Variants in MLH3 observed in about 807,000 individuals in gnomAD.
MLH3 encodes the protein mutL homolog 3.
A neutral mutation model predicts 122.2 loss-of-function variants in MLH3; 82 were observed. The ratio of observed to expected loss-of-function variants is 0.67; its 90% confidence interval spans 0.56 to 0.81. MLH3 has a LOEUF of 0.81. Ranked by LOEUF, MLH3 falls within the 30% of genes least tolerant of loss-of-function variation. MLH3 has a pLI of 0.00. For synonymous variants in MLH3, 524 were observed against 599.5 expected, an observed-to-expected ratio of 0.87 and a Z score of 1.84; for missense variants, 1,539 against 1,714.5, an observed-to-expected ratio of 0.90 and a Z score of 1.81.
At chr14:75,046,179 C>CAAAA (rs138141680) in intron 2 of MLH3, among the ~76,000 whole-genome samples, 197 bp downstream of exon 2, 1 of 53,744 alleles carries the variant, frequency 1.9e-5, no homozygotes. Flanking sequence ...GACTCCGTCT[C>CAAAA]AAAAAAAAAA....
intron 11 of MLH3, among the ~76,000 whole-genome samples, chr14:75,022,248 A>C (rs1466389380): frequency 2.0e-5 from 3 of 152,182 alleles, no homozygotes; most frequent in Non-Finnish European, 4.4e-5. Flanking sequence ...TAATCTGTAC[A>C]CCAAACCCCT....
chr14:75,048,226 A>G lies in MLH3; in HGVS notation c.1430T>C (p.Val477Ala). The change falls in exon 2 of 13, where the codon GTA becomes GCA. Residue 477 changes from valine (V) to alanine (A), a missense_variant. Val to Ala is a moderately conservative substitution (Grantham distance 64, BLOSUM62 0). Coordinates refer to ENST00000355774, the MANE Select transcript of MLH3 (RefSeq NM_001040108.2). ...ESKMLEQETI[V>A]ASEAGENEKH... ...CTCATTTTCTCCAGCTTCTGATGCT[A>G]CAATTGTCTCTTGTTCTAACATCTT... 6.2e-7 allele frequency: 1 copy of G among 1,613,838 alleles called. No individual in the cohort carries two copies. Among genetic ancestry groups the G allele is most frequent in the Non-Finnish European group, 8.5e-7 (1 of 1,179,946 alleles).
At position 75,034,693 on chromosome 14, in the gene MLH3, C is replaced by A. The variant is rs143101622; in HGVS notation, c.3644-1203G>T. On this transcript the variant is annotated intron_variant, in intron 6 of 12. Coordinates refer to ENST00000355774, the MANE Select transcript of MLH3 (RefSeq NM_001040108.2). Reference sequence around the variant, plus strand: ...CAGAAAGAGGTGATGCCCAGATTCCCCTCGGGCCATGTTTATCCTGCCTTA... The same window carrying A: ...CAGAAAGAGGTGATGCCCAGATTCCACTCGGGCCATGTTTATCCTGCCTTA... 3.1e-3 allele frequency among the ~76,000 whole-genome samples: 467 copies of A among 152,182 alleles called. 4 individuals carry two copies. The highest frequency in any genetic ancestry group is 0.011 in the African/African-American group (437 of 41,510).
chr14:75,030,432 G>A (rs887887751), intron 9 of MLH3, 111 bp downstream of exon 9: 3 of 1,124,728 alleles, frequency 2.7e-6, no homozygotes, highest in South Asian at 1.2e-5. Flanking sequence ...CACACCGCAG[G>A]TAAATACCAT....
rs1204014345 is a variant in MLH3 at position 75,046,402 on chromosome 14, A to G, written c.3254T>C (p.Val1085Ala). 14 of 1,614,070 alleles carry G rather than the reference A, an allele frequency of 8.7e-6. No individual in the cohort carries two copies. In the South Asian group the frequency reaches 1.3e-4, roughly 15 times the overall value. ...QAACTKDLTT[V>A]AVDVVLENGS... ...ATTCTCAAGTACAACATCCACAGCC[A>G]CAGTTGTCAGGTCTTTAGTACAAGC... The change falls in exon 2 of 13, where the codon GTG becomes GCG. Residue 1085 changes from valine to alanine, a missense_variant. Physicochemically the swap from Val to Ala is moderately conservative, Grantham distance 64. Transcript: ENST00000355774.
intron 4 of MLH3, 65 bp from the exon 5 acceptor site, chr14:75,040,080 A>G (rs1026848558): frequency 2.4e-6 from 2 of 818,916 alleles, no homozygotes; most frequent in African/African-American, 1.7e-5. Context: ...TTTACCAAAG[A>G]TATCAGAGTG....
At chr14:75,024,351 A>G (rs1890486161) in intron 9 of MLH3, among the ~76,000 whole-genome samples, 1 of 151,712 alleles carries the variant, frequency 6.6e-6, no homozygotes, top group African/African-American at 2.4e-5. Flanking sequence ...ACAATCATGC[A>G]CCACCACGCC....
At chr14:75,017,325 T>G (rs1595019628) in intron 12 of MLH3, 124 bp from the exon 13 acceptor site, 1 of 974,244 alleles carries the variant, frequency 1.0e-6, no homozygotes, top group Non-Finnish European at 1.6e-6. Flanking sequence ...GATCACAAGG[T>G]CAGGAGTTTG....
chr14:75,046,738 G>A lies in MLH3; in HGVS notation c.2918C>T (p.Pro973Leu), dbSNP rs1892258240. Reference protein sequence around the residue: ...CVISETPLVLPYNNSKVTGKD... With the variant: ...CVISETPLVLLYNNSKVTGKD... ...ACCGGTAACTTTAGAATTATTATAGGGCAATACCAAAGGAGTTTCTGATAT... is the reference window on the plus strand; with the variant it reads ...ACCGGTAACTTTAGAATTATTATAGAGCAATACCAAAGGAGTTTCTGATAT... Residue 973 changes from proline to leucine, a missense_variant, in exon 2 of 13, where the codon CCC (proline) becomes CTC (leucine). Coordinates refer to ENST00000355774, the MANE Select transcript of MLH3 (RefSeq NM_001040108.2). The A allele has an allele frequency of 1.9e-6, 3 of 1,613,912 alleles. No individual in the cohort carries two copies. Among genetic ancestry groups the A allele is most frequent in the African/African-American group, 1.3e-5 (1 of 74,884 alleles).
Position 75,030,611 on chromosome 14 carries a change from A to T in MLH3, c.3919T>A (p.Cys1307Ser), listed in dbSNP as rs369024816. ...TCATTGGCTTCTCTTTCCACAAAAC[A>T]TAGTGGTACTTTTCCCACAAGGACC... ...SLVLVGKVPLCFVEREANELR... is the reference protein window; with the variant it reads ...SLVLVGKVPLSFVEREANELR... The change falls in exon 9 of 13, where the codon TGT (cysteine) becomes AGT (serine). Residue 1307 changes from cysteine to serine, a missense_variant. By Grantham distance (112) the Cys-to-Ser change is moderately radical (BLOSUM62 -1). Transcript: ENST00000355774. 6.2e-7 allele frequency: 1 copy of T among 1,613,806 alleles called. No homozygotes were observed.
At position 75,046,845 on chromosome 14, in the gene MLH3, T is replaced by C; in HGVS notation, c.2811A>G (p.Thr937=). 1.2e-6 allele frequency: 2 copies of C among 1,614,160 alleles called. No individual in the cohort carries two copies. The highest frequency in any genetic ancestry group is 1.7e-6 in the Non-Finnish European group (2 of 1,180,038). The change falls in exon 2 of 13, where the codon ACA becomes ACG. Residue 937 remains threonine (T), a synonymous_variant. Transcript: ENST00000355774. ...AATTATCCTGTGTGGCAGAATCTGA[T>C]GTTGGGATGACACCATTCTCTGTTT... The part of the protein sequence containing the change: ...HEKTENGVIP[T]SDSATQDNSF...
In MLH3 at chr14:75,048,179, C is replaced by T. The variant is rs2139582578; in HGVS notation, c.1477G>A (p.Glu493Lys). The change falls in exon 2 of 13, where the codon GAA (glutamate) becomes AAA (lysine). Residue 493 changes from glutamate (E) to lysine (K), a missense_variant. Glu to Lys is a moderately conservative substitution (Grantham distance 56, BLOSUM62 1). Coordinates refer to ENST00000355774, the MANE Select transcript of MLH3 (RefSeq NM_001040108.2). ...CACGGATTTTCTAAAGAGCTATGTTCCAGGAAAGATTTTTTATGTTTCTCA... is the reference window on the plus strand; with the variant it reads ...CACGGATTTTCTAAAGAGCTATGTTTCAGGAAAGATTTTTTATGTTTCTCA... ...ENEKHKKSFL[E>K]HSSLENPCGT... The T allele has an allele frequency of 6.2e-7, 1 of 1,613,828 alleles. No homozygotes were observed. Among genetic ancestry groups the T allele is most frequent in the Non-Finnish European group, 8.5e-7 (1 of 1,179,926 alleles).
At chr14:75,045,927 C>T (rs528986183) in intron 2 of MLH3, among the ~76,000 whole-genome samples, 49 of 152,080 alleles carry the variant, frequency 3.2e-4, no homozygotes, top group South Asian at 1.2e-3. Flanking sequence ...ACCTATAATC[C>T]CAACACTCTG....
Position 75,027,676 on chromosome 14 carries a change from A to C in MLH3, c.3987+2867T>G, listed in dbSNP as rs1047150808. ...AGATTTACTTCAGTAAAAAAAAAAA[A>C]AAAAAAAAAAAAAAAAAACCCAAAA... On this transcript the variant is annotated intron_variant, in intron 9 of 12. Coordinates refer to ENST00000355774, the MANE Select transcript of MLH3 (RefSeq NM_001040108.2). Among the ~76,000 whole-genome samples, 263 of 121,842 alleles carry C rather than the reference A, an allele frequency of 2.2e-3. 4 individuals carry two copies. The highest frequency in any genetic ancestry group is 7.2e-3 in the African/African-American group (249 of 34,450). 79.9% of individuals were successfully genotyped at this position (121,842 alleles called of 152,430 possible). A position where few individuals can be genotyped will look rare whatever the true frequency, so the allele number is the denominator to read the frequency against.
At position 75,048,748 on chromosome 14, in the gene MLH3, T is replaced by C. The variant is rs560353095; in HGVS notation, c.908A>G (p.Tyr303Cys). The change falls in exon 2 of 13, where the codon TAT becomes TGT. Residue 303 changes from tyrosine (Y) to cysteine (C), a missense_variant. By Grantham distance (194) the Tyr-to-Cys change is radical (BLOSUM62 -2). Coordinates refer to ENST00000355774, the MANE Select transcript of MLH3 (RefSeq NM_001040108.2). ...CTGCACATTAATTACATATATGCCATAGAGTTCTGGGGTAGACCGGTGCCG... is the reference window on the plus strand; with the variant it reads ...CTGCACATTAATTACATATATGCCACAGAGTTCTGGGGTAGACCGGTGCCG... ...SLRHRSTPEL[Y>C]GIYVINVQCQ... 4 of 1,614,132 alleles carry C rather than the reference T, an allele frequency of 2.5e-6. No homozygotes were observed. The highest frequency in any genetic ancestry group is 1.7e-5 in the Admixed American group (1 of 60,014).
intron 11 of MLH3, among the ~76,000 whole-genome samples, chr14:75,022,085 G>A (rs975252398): frequency 3.9e-5 from 6 of 152,204 alleles, no homozygotes; most frequent in African/African-American, 1.4e-4. Context: ...AATACTGCAT[G>A]TTCTTACTTA....
chr14:75,015,755 C>A lies in MLH3; in HGVS notation c.*1327G>T, dbSNP rs1284173050. ...AAACAAGTGAAGGTTTTCTCTGAAC[C>A]TTCTCTGGGGCAGACGCTAATGAAT... On this transcript the variant is annotated 3_prime_UTR_variant, in exon 13 of 13. Transcript: ENST00000355774. 4.5e-6 allele frequency: 1 copy of A among 223,266 alleles called. No individual in the cohort carries two copies. The highest frequency in any genetic ancestry group is 8.9e-6 in the Non-Finnish European group (1 of 111,940). 13.8% of individuals were successfully genotyped at this position (223,266 alleles called of 1,614,324 possible). A position where few individuals can be genotyped will look rare whatever the true frequency, so the allele number is the denominator to read the frequency against.
chr14:75,047,533 C>A lies in MLH3; in HGVS notation c.2123G>T (p.Cys708Phe). The change falls in exon 2 of 13, where the codon TGC becomes TTC. Residue 708 changes from cysteine (C) to phenylalanine (F), a missense_variant. Cys to Phe is a radical substitution (Grantham distance 205). Transcript: ENST00000355774. Reference protein sequence around the residue: ...QEGSKKSQTDCILSDTSPSFP... With the variant: ...QEGSKKSQTDFILSDTSPSFP... The stretch of plus-strand genomic sequence containing the variant: ...AGAGGGGGATGTATCAGATAATATG[C>A]AATCTGTTTGTGATTTTTTGCTACC... 6.2e-7 allele frequency: 1 copy of A among 1,613,978 alleles called. No individual in the cohort carries two copies. Among genetic ancestry groups the A allele is most frequent in the East Asian group, 2.2e-5 (1 of 44,868 alleles).
In MLH3 at chr14:75,022,835, A is replaced by G. The variant is rs1251237022; in HGVS notation, c.4069T>C (p.Leu1357=). ...TTACCATGGCAGGCTTGGGATGCCAACACCTTCTGGACAGTCAGTGGCAAT... is the reference window on the plus strand; with the variant it reads ...TTACCATGGCAGGCTTGGGATGCCAGCACCTTCTGGACAGTCAGTGGCAAT... The part of the protein sequence containing the change: ...GTLPLTVQKV[L]ASQACHGAIK... Residue 1357 remains leucine, a synonymous_variant, in exon 11 of 13, where the codon TTG becomes CTG. Coordinates refer to ENST00000355774, the MANE Select transcript of MLH3 (RefSeq NM_001040108.2). 3.7e-6 allele frequency: 6 copies of G among 1,614,078 alleles called. No homozygotes were observed. In the South Asian group the frequency reaches 6.6e-5, roughly 18 times the overall value.
Sources: allele counts gnomAD v4.1 joint callset (sites outside exome capture counted in the v4.1 genomes callset), GRCh38; gene constraint gnomAD v4.1.1; transcripts MANE v1.5; gene names NCBI Gene and HGNC (gene_info 2026-07-23, HGNC 2026-07-21).